The following BTF3 variants were observed in gnomAD, a reference collection of about 807,000 sequenced individuals.
The protein encoded by BTF3 is basic transcription factor 3.
In BTF3, 12 loss-of-function variants were observed where a neutral mutation model predicts 23.9. That is an observed-to-expected ratio of 0.50 (90% CI 0.32 to 0.81). The LOEUF is 0.81. Ranked by LOEUF, BTF3 falls within the 40% of genes least tolerant of loss-of-function variation. The pLI, the probability that BTF3 is intolerant of heterozygous loss-of-function variation, is 0.03. For missense variants in BTF3, 215 were observed against 255.9 expected (o/e 0.84, Z 1.09); for synonymous variants, 96 against 94.8 (o/e 1.01, Z -0.07).
Position 73,498,544 on chromosome 5 carries a change from A to T in BTF3, c.-124A>T. 4 of 1,362,292 alleles carry T rather than the reference A, an allele frequency of 2.9e-6. No individual in the cohort carries two copies. The highest frequency in any genetic ancestry group is 3.3e-5 in the South Asian group (2 of 59,774). The allele number at this position is 1,362,292 out of a possible 1,614,324, so 84.4% of individuals were successfully genotyped here. A position where few individuals can be genotyped will look rare whatever the true frequency, so the allele number is the denominator to read the frequency against. On this transcript the variant is annotated 5_prime_UTR_variant, in exon 1 of 6. Coordinates refer to ENST00000380591, the MANE Select transcript of BTF3 (RefSeq NM_001037637.2). ...ACCCTAGTCCCCCGCGCGGCCCCTT[A>T]TTCGCTCCGACAAGGTACAAAAAGG...
At chr5:73,499,029 C>A in intron 1 of BTF3, 105 bp from the exon 2 acceptor site, 2 of 1,337,958 alleles carry the variant, frequency 1.5e-6, no homozygotes, top group Non-Finnish European at 2.0e-6. Context: ...CAGGTTTCGG[C>A]CTGTGTAGGA....
At position 73,505,136 on chromosome 5, in the gene BTF3, A is replaced by G; in HGVS notation, c.575-56A>G. ...TTCCTTCATCCCCTTTTAATATCTG[A>G]TAATTATTTGTAGATTTGGCTTTTT... On this transcript the variant is annotated intron_variant, in intron 5 of 5. Coordinates refer to ENST00000380591, the MANE Select transcript of BTF3 (RefSeq NM_001037637.2). The G allele has an allele frequency of 4.3e-6, 6 of 1,395,822 alleles. No homozygotes were observed. In the South Asian group the frequency reaches 5.9e-5, roughly 14 times the overall value. The allele number at this position is 1,395,822 out of a possible 1,614,324, so 86.5% of individuals were successfully genotyped here. A position where few individuals can be genotyped will look rare whatever the true frequency, so the allele number is the denominator to read the frequency against.
chr5:73,499,327 A>G, intron 2 of BTF3, 125 bp downstream of exon 2: 1 of 1,046,558 alleles, frequency 9.6e-7, no homozygotes, highest in Non-Finnish European at 1.4e-6. Context: ...AAATTCACGG[A>G]GCTAGCAAAT....
At chr5:73,499,862 G>C (rs1366848606) in intron 2 of BTF3, among the ~76,000 whole-genome samples, 1 of 151,972 alleles carries the variant, frequency 6.6e-6, no homozygotes, top group East Asian at 1.9e-4. Context: ...CTGATTTTTA[G>C]ATTGTCCTGT....
At chr5:73,499,348 G>C (rs760847457) in intron 2 of BTF3, 146 bp downstream of exon 2, 1 of 856,090 alleles carries the variant, frequency 1.2e-6, no homozygotes, top group South Asian at 1.4e-5. Context: ...CTCGAGGAGC[G>C]GGGGAGACGA....
At chr5:73,499,289 A>G (rs1746376538) in intron 2 of BTF3, 87 bp downstream of exon 2, 4 of 1,401,824 alleles carry the variant, frequency 2.9e-6, no homozygotes, top group Non-Finnish European at 4.0e-6. Context: ...TTCTTATATT[A>G]TCGGTGACAA....
At position 73,501,423 on chromosome 5, in the gene BTF3, C is replaced by A. The variant is rs544048659; in HGVS notation, c.202-1065C>A. ...GATGGATGATAAAATGTATTTATCT[C>A]TTATAGTAATAAGTGTTATGAAGAG... On this transcript the variant is annotated intron_variant, in intron 2 of 5. Transcript: ENST00000380591. Among the ~76,000 whole-genome samples, 24 of 152,152 alleles carry A rather than the reference C, an allele frequency of 1.6e-4. No individual in the cohort carries two copies. In the South Asian group the frequency reaches 5.0e-3, roughly 32 times the overall value.
chr5:73,498,590 G>A lies in BTF3; in HGVS notation c.-78G>A. On this transcript the variant is annotated 5_prime_UTR_variant, in exon 1 of 6. Transcript: ENST00000380591. ...AAAGGCTCTGGACGGCGGCGTGGTAGGAGGACGGGAGCGGGGGCGGGAAGT... is the reference window on the plus strand; with the variant it reads ...AAAGGCTCTGGACGGCGGCGTGGTAAGAGGACGGGAGCGGGGGCGGGAAGT... 1 of 1,411,272 alleles carries A rather than the reference G, an allele frequency of 7.1e-7. No homozygotes were observed. The highest frequency in any genetic ancestry group is 9.2e-7 in the Non-Finnish European group (1 of 1,090,774). The allele number at this position is 1,411,272 out of a possible 1,614,324, so 87.4% of individuals were successfully genotyped here.
Position 73,504,523 on chromosome 5 carries a change from TAGAATG to T in BTF3, c.574+125_574+130del, listed in dbSNP as rs1459225124. 203 of 673,124 alleles carry T rather than the reference TAGAATG, an allele frequency of 3.0e-4. No homozygotes were observed. The East Asian group carries it at 5.6e-3, about 19-fold the overall frequency. 41.7% of individuals were successfully genotyped at this position (673,124 alleles called of 1,614,324 possible). The stretch of plus-strand genomic sequence containing the variant: ...AGTTAAGATGGACATAGATCTTACT[TAGAATG>T]AGAAAAATAATGCAGTATTAGGTAA... On this transcript the variant is annotated intron_variant, in intron 5 of 5. Transcript: ENST00000380591.
At chr5:73,502,158 C>CAAAAA (rs148360172) in intron 2 of BTF3, among the ~76,000 whole-genome samples, 5 of 77,072 alleles carry the variant, frequency 6.5e-5, no homozygotes, top group African/African-American at 1.8e-4. Flanking sequence ...GACCCTGTCT[C>CAAAAA]AAAAAAAAAA....
chr5:73,502,384 A>T, intron 2 of BTF3, 104 bp from the exon 3 acceptor site: 1 of 829,282 alleles, frequency 1.2e-6, no homozygotes, highest in Non-Finnish European at 1.9e-6. Context: ...TAATGTTCTT[A>T]TACAGATCCA....
chr5:73,499,121 CCT>C lies in BTF3; in HGVS notation c.133-10_133-9del. 2 of 1,605,416 alleles carry C rather than the reference CCT, an allele frequency of 1.2e-6. No individual in the cohort carries two copies. The highest frequency in any genetic ancestry group is 8.5e-7 in the Non-Finnish European group (1 of 1,177,964). On this transcript the variant is annotated splice_polypyrimidine_tract_variant and intron_variant, in intron 1 of 5. Transcript: ENST00000380591. ...CTAAACCTATCCTTGCTGAGGATTT[CCT>C]CTTTTTCTAGATGAAAGAAACAATC...
At chr5:73,499,093 G>A (rs1580356882) in intron 1 of BTF3, 41 bp from the exon 2 acceptor site, 2 of 1,576,992 alleles carry the variant, frequency 1.3e-6, no homozygotes, top group South Asian at 1.1e-5. Flanking sequence ...ATGCTAGAGT[G>A]AGCTAAACCT....
chr5:73,498,845 C>T (rs1218723507), intron 1 of BTF3, 46 bp downstream of exon 1: 18 of 1,497,812 alleles, frequency 1.2e-5, no homozygotes, highest in African/African-American at 1.4e-5. Flanking sequence ...CAGGCCCTGG[C>T]TAGGCCGAGG....
chr5:73,504,159 C>T (rs1458641228), intron 4 of BTF3, among the ~76,000 whole-genome samples, 188 bp from the exon 5 acceptor site: 1 of 151,724 alleles, frequency 6.6e-6, no homozygotes, highest in East Asian at 1.9e-4. Flanking sequence ...GTATTTTAAC[C>T]CATTTGTAGA....
intron 1 of BTF3, 125 bp from the exon 2 acceptor site, chr5:73,499,009 A>G (rs1746367440): frequency 7.9e-6 from 10 of 1,271,658 alleles, no homozygotes; most frequent in Non-Finnish European, 1.1e-5. Context: ...TGCGGGGTGG[A>G]TTTGGGATCC....
Position 73,498,605 on chromosome 5 carries a change from G to A in BTF3, c.-63G>A. The A allele has an allele frequency of 7.0e-7, 1 of 1,422,902 alleles. No homozygotes were observed. 88.1% of individuals were successfully genotyped at this position (1,422,902 alleles called of 1,614,324 possible). On this transcript the variant is annotated 5_prime_UTR_variant, in exon 1 of 6. Coordinates refer to ENST00000380591, the MANE Select transcript of BTF3 (RefSeq NM_001037637.2). ...CGGCGTGGTAGGAGGACGGGAGCGG[G>A]GGCGGGAAGTTCCCTGAAGGAGCGA...
chr5:73,502,646 G>C, intron 3 of BTF3, 45 bp downstream of exon 3: 2 of 1,460,914 alleles, frequency 1.4e-6, no homozygotes, highest in Non-Finnish European at 1.9e-6. Flanking sequence ...ATTTGGCTGG[G>C]AAAAGTTAAC....
At chr5:73,503,645 G>T (rs1245936249) in intron 4 of BTF3, among the ~76,000 whole-genome samples, 1 of 152,174 alleles carries the variant, frequency 6.6e-6, no homozygotes, top group Admixed American at 6.5e-5. Flanking sequence ...TTGAAGAATA[G>T]GAATGCAGGA....
Sources: gnomAD v4.1 joint callset for allele counts (sites outside exome capture counted in the v4.1 genomes callset) on GRCh38, gnomAD v4.1.1 for gene constraint, MANE v1.5 for transcripts, NCBI Gene and HGNC (gene_info 2026-07-23, HGNC 2026-07-21) for gene names.